ITPR3: variants seen among roughly 807,000 people sequenced by gnomAD.
The protein encoded by ITPR3 is inositol 1,4,5-trisphosphate receptor type 3.
In ITPR3, 173 loss-of-function variants were observed where a neutral mutation model predicts 293.2. The observed-to-expected ratio is 0.59, with a 90% CI of 0.52 to 0.67. The LOEUF is 0.67. Among genes scored for constraint, ITPR3 ranks in the 30% least tolerant of loss-of-function variants. The pLI is 0.00. For missense variants in ITPR3, 2,796 were observed against 3,592.1 expected (o/e 0.78, Z 5.66); for synonymous variants, 1,295 against 1,444.4 (o/e 0.90, Z 2.35).
At chr6:33,657,380 C>A (rs965648382) in intron 3 of ITPR3, among the ~76,000 whole-genome samples, 1 of 152,182 alleles carries the variant, frequency 6.6e-6, no homozygotes, top group African/African-American at 2.4e-5. Flanking sequence ...GTGGATCCAT[C>A]AGACTGGGAT....
At chr6:33,631,815 C>T (rs1763685788) in intron 1 of ITPR3, among the ~76,000 whole-genome samples, 1 of 152,186 alleles carries the variant, frequency 6.6e-6, no homozygotes, top group Non-Finnish European at 1.5e-5. Flanking sequence ...AGCCCTCAAG[C>T]GGCCCTTATG....
Position 33,671,114 on chromosome 6 carries a change from CCCCTACGCGCCGG to C in ITPR3, c.2587-47_2587-35del, listed in dbSNP as rs759950520. The C allele has an allele frequency of 6.8e-6, 11 of 1,606,014 alleles. No homozygotes were observed. The African/African-American group carries it at 1.3e-4, about 20-fold the overall frequency. On this transcript the variant is annotated intron_variant, in intron 20 of 57. Coordinates refer to ENST00000605930, the MANE Select transcript of ITPR3 (RefSeq NM_002224.4). ...CTGGCCTGCCCTCCACGAAGCCCCG[CCCCTACGCGCCGG>C]CCCCTCCCACCTCACCTCGGCCACG...
chr6:33,688,851 C>T (rs1765311984), intron 49 of ITPR3, 70 bp downstream of exon 49: 21 of 1,603,122 alleles, frequency 1.3e-5, no homozygotes, highest in Non-Finnish European at 1.6e-5. Context: ...TGGGGCAGAG[C>T]CTTGAGGCCA....
intron 31 of ITPR3, 58 bp downstream of exon 31, chr6:33,680,191 C>T: frequency 6.3e-7 from 1 of 1,592,824 alleles, no homozygotes; most frequent in African/African-American, 1.3e-5. Flanking sequence ...GTGGGTAAAG[C>T]CACGGGACAG....
At chr6:33,685,620 GC>G in intron 40 of ITPR3, 22 bp from the exon 41 acceptor site, 1 of 1,583,592 alleles carries the variant, frequency 6.3e-7, no homozygotes. Flanking sequence ...GGCAGCTCCA[GC>G]CTCACCAGGT....
intron 1 of ITPR3, among the ~76,000 whole-genome samples, chr6:33,630,822 T>G (rs1316330654): frequency 6.6e-6 from 1 of 152,252 alleles, no homozygotes; most frequent in Non-Finnish European, 1.5e-5. Context: ...TTAGCTGTAC[T>G]TGTTTTAAAA....
At chr6:33,678,325 C>G in intron 28 of ITPR3, 96 bp from the exon 29 acceptor site, 1 of 1,538,150 alleles carries the variant, frequency 6.5e-7, no homozygotes, top group Non-Finnish European at 8.8e-7. Flanking sequence ...GTCCCAGTCC[C>G]AAGCCCGACC....
intron 3 of ITPR3, among the ~76,000 whole-genome samples, chr6:33,656,708 CAA>C (rs771305134): frequency 1.3e-5 from 2 of 152,212 alleles, no homozygotes; most frequent in Non-Finnish European, 2.9e-5. Flanking sequence ...CCCCAAACCA[CAA>C]AGAGAGTGGG....
Position 33,658,707 on chromosome 6 carries a change from A to G in ITPR3, c.407A>G (p.Asn136Ser). Residue 136 changes from asparagine (N) to serine (S), a missense_variant, in exon 5 of 58, where the codon AAC becomes AGC. Transcript: ENST00000605930. The surrounding 1 kb of genome is among the most constrained non-coding windows in gnomAD (Gnocchi z 6.1). ...HMKSNKYLTV[N>S]KRLPALLEKN... ...AAGAGCAACAAGTACCTGACAGTGA[A>G]CAAGCGGCTTCCGGCCTTGCTGGAG... 1 of 1,614,194 alleles carries G rather than the reference A, an allele frequency of 6.2e-7. No individual in the cohort carries two copies. The highest frequency in any genetic ancestry group is 8.5e-7 in the Non-Finnish European group (1 of 1,180,034).
intron 33 of ITPR3, among the ~76,000 whole-genome samples, chr6:33,681,363 T>C (rs1339296019): frequency 2.6e-5 from 4 of 152,240 alleles, no homozygotes; most frequent in Admixed American, 2.0e-4. Flanking sequence ...ACAGTCTCCC[T>C]GGCAGGATCC....
chr6:33,658,246 A>G lies in ITPR3; in HGVS notation c.369+228A>G. Among the ~76,000 whole-genome samples, 1 of 152,166 alleles carries G rather than the reference A, an allele frequency of 6.6e-6. No homozygotes were observed. The stretch of plus-strand genomic sequence containing the variant: ...GTGTGTTTACAGCATGGTGGCCATC[A>G]GCATGGAGTCTGGAGCCACGTTGTC... On this transcript the variant is annotated intron_variant, in intron 4 of 57. Coordinates refer to ENST00000605930, the MANE Select transcript of ITPR3 (RefSeq NM_002224.4). This position sits in a 1 kb window ranked among gnomAD's most constrained non-coding sequence, Gnocchi z 6.1.
rs149637795 is a variant in ITPR3 at position 33,667,165 on chromosome 6, G to C, written c.1588G>C (p.Gly530Arg). Reference protein sequence around the residue: ...GILKAPFREKGGEGPLVRLEE... With the variant: ...GILKAPFREKRGEGPLVRLEE... ...TCTGAAGGCCCCGTTCCGTGAGAAG[G>C]GGGGTGAAGGTCCCCTGGTGCGGCT... The change falls in exon 15 of 58, where the codon GGG becomes CGG. Residue 530 changes from glycine to arginine, a missense_variant. By Grantham distance (125) the Gly-to-Arg change is moderately radical. Around this residue, in one of 8 missense-constraint regions of ITPR3, gnomAD observed 955 missense variants for 1,180.8 expected, o/e 0.81. Coordinates refer to ENST00000605930, the MANE Select transcript of ITPR3 (RefSeq NM_002224.4). This position sits in a 1 kb window ranked among gnomAD's most constrained non-coding sequence, Gnocchi z 4.4. 1.6e-4 allele frequency: 255 copies of C among 1,614,158 alleles called. No homozygotes were observed. The African/African-American group carries it at 2.8e-3, about 18-fold the overall frequency.
At chr6:33,639,376 C>T (rs1763895705) in intron 1 of ITPR3, among the ~76,000 whole-genome samples, 1 of 112,592 alleles carries the variant, frequency 8.9e-6, no homozygotes, top group Admixed American at 1.1e-4. Flanking sequence ...GAAACTCTGT[C>T]TCAAAAAAAA....
rs1001910805 is a variant in ITPR3, at chr6:33,630,445, T to C, written c.89+8754T>C. 3.3e-5 allele frequency among the ~76,000 whole-genome samples: 5 copies of C among 152,370 alleles called. No individual in the cohort carries two copies. The East Asian group carries it at 9.6e-4, about 29-fold the overall frequency. On this transcript the variant is annotated intron_variant, in intron 1 of 57. Coordinates refer to ENST00000605930, the MANE Select transcript of ITPR3 (RefSeq NM_002224.4). ...GGAGAGTGGGAGACAAGCCTGGGGC[T>C]GGCAGGCCAAATATATGAGGCAAGG...
At chr6:33,625,696 A>T (rs1371109677) in intron 1 of ITPR3, among the ~76,000 whole-genome samples, 1 of 152,064 alleles carries the variant, frequency 6.6e-6, no homozygotes, top group Non-Finnish European at 1.5e-5. Context: ...GGGCCTCTGG[A>T]CCTGGATCAC....
At chr6:33,694,693 CCTAACG>C in intron 56 of ITPR3, 1 of 540,402 alleles carries the variant, frequency 1.9e-6, no homozygotes, top group South Asian at 2.3e-5. Context: ...GCCGACGCTG[CCTAACG>C]GAAGTCAGCC....
intron 57 of ITPR3, 191 bp from the exon 58 acceptor site, chr6:33,695,521 G>A (rs749212167): frequency 1.5e-5 from 9 of 614,742 alleles, no homozygotes; most frequent in South Asian, 3.8e-5. Context: ...TTTGTGACAC[G>A]CTAATTGAGA....
At chr6:33,669,856 A>G (rs893169940) in intron 18 of ITPR3, among the ~76,000 whole-genome samples, 22 of 152,330 alleles carry the variant, frequency 1.4e-4, no homozygotes, top group Admixed American at 1.1e-3. Context: ...CAGAGCCCCC[A>G]GGAAGTCATG....
chr6:33,659,134 G>T lies in ITPR3; in HGVS notation c.627+15G>T, dbSNP rs1307352632. ...GCTGCAAGGAGGTGAGGGGGTGGGG[G>T]GTCAGCCATGCAGTGCAGGGACGTC... On this transcript the variant is annotated intron_variant, in intron 6 of 57. Transcript: ENST00000605930. The T allele has an allele frequency of 6.2e-7, 1 of 1,611,118 alleles. No individual in the cohort carries two copies. The highest frequency in any genetic ancestry group is 2.2e-5 in the East Asian group (1 of 44,856).
Sources: allele counts gnomAD v4.1 joint callset (sites outside exome capture counted in the v4.1 genomes callset), GRCh38; gene constraint gnomAD v4.1.1; regional missense constraint gnomAD v4.1.1; non-coding constraint Gnocchi (gnomAD v3.1); transcripts MANE v1.5; gene names NCBI Gene and HGNC (gene_info 2026-07-23, HGNC 2026-07-21).